TMEM150C: variants seen among roughly 807,000 people sequenced by gnomAD.
TMEM150C encodes the protein tentonin 3.
TMEM150C carries 10 observed loss-of-function variants against 29.9 expected under a neutral mutation model. That is an observed-to-expected ratio of 0.33 (90% CI 0.21 to 0.57). TMEM150C has a LOEUF of 0.57. Among genes scored for constraint, TMEM150C ranks in the 20% least tolerant of loss-of-function variants. TMEM150C has a pLI of 0.88. For missense variants in TMEM150C, 251 were observed against 303.6 expected (o/e 0.83, Z 1.29); for synonymous variants, 101 against 112.5 (o/e 0.90, Z 0.64).
intron 1 of TMEM150C, among the ~76,000 whole-genome samples, chr4:82,517,823 T>C (rs1352244798): frequency 6.6e-6 from 1 of 152,222 alleles, no homozygotes; most frequent in East Asian, 1.9e-4. Flanking sequence ...TCTCCTCTTC[T>C]ATATCTCTAT....
At chr4:82,517,851 T>C (rs183160054) in intron 1 of TMEM150C, among the ~76,000 whole-genome samples, 9 of 152,334 alleles carry the variant, frequency 5.9e-5, no homozygotes, top group Non-Finnish European at 1.2e-4. Context: ...ATTGGTTCTG[T>C]TTCTCTGGAA....
chr4:82,520,708 C>T (rs187312457), intron 1 of TMEM150C, among the ~76,000 whole-genome samples: 1 of 152,212 alleles, frequency 6.6e-6, no homozygotes, highest in African/African-American at 2.4e-5. Flanking sequence ...CATAGCAAGC[C>T]TCCATGTGTA....
intron 1 of TMEM150C, among the ~76,000 whole-genome samples, chr4:82,543,544 A>G (rs990022512): frequency 3.3e-5 from 5 of 152,170 alleles, no homozygotes; most frequent in African/African-American, 1.2e-4. Flanking sequence ...GAAAACAACA[A>G]TATAAAAACC....
intron 1 of TMEM150C, among the ~76,000 whole-genome samples, chr4:82,524,336 G>GA (rs913940464): frequency 4.6e-5 from 7 of 150,940 alleles, no homozygotes; most frequent in East Asian, 1.9e-4. Context: ...TTTTTGTGTT[G>GA]AAAAAAAAAT....
chr4:82,513,319 C>A (rs941137366), intron 1 of TMEM150C, among the ~76,000 whole-genome samples: 1 of 152,128 alleles, frequency 6.6e-6, no homozygotes, highest in African/African-American at 2.4e-5. Context: ...GAACCTCCAG[C>A]AAACTCCAGC....
chr4:82,495,525 C>G (rs1723525640), intron 6 of TMEM150C: 1 of 363,268 alleles, frequency 2.8e-6, no homozygotes, highest in Non-Finnish European at 5.4e-6. Context: ...CAGGTATAGC[C>G]TTCTCTCTTT....
rs1214231259 is a variant in TMEM150C, at chr4:82,485,739, G to A, written c.542-20C>T. The A allele has an allele frequency of 2.5e-6, 4 of 1,584,952 alleles. No homozygotes were observed. Among genetic ancestry groups the A allele is most frequent in the Admixed American group, 1.8e-5 (1 of 56,058 alleles). On this transcript the variant is annotated intron_variant, in intron 7 of 7. Coordinates refer to ENST00000449862, the MANE Select transcript of TMEM150C (RefSeq NM_001080506.3). ...TGAAGTCTGGGGAGAAGCAGTCAAGGAAAATACCCTCATCAGCCACATTAA... is the reference window on the plus strand; with the variant it reads ...TGAAGTCTGGGGAGAAGCAGTCAAGAAAAATACCCTCATCAGCCACATTAA...
intron 1 of TMEM150C, among the ~76,000 whole-genome samples, chr4:82,537,130 A>C (rs998126395): frequency 3.3e-5 from 5 of 151,998 alleles, no homozygotes; most frequent in Non-Finnish European, 5.9e-5. Flanking sequence ...TACAGGCGCC[A>C]GCCACCACAC....
intron 1 of TMEM150C, among the ~76,000 whole-genome samples, chr4:82,515,715 C>G (rs11723534): frequency 0.31 from 46,610 of 149,272 alleles, 7,635 homozygotes; most frequent in Admixed American, 0.44. Flanking sequence ...TCTGCCTGGG[C>G]GACAGAGTGA....
At chr4:82,510,964 G>A (rs1363543071) in intron 1 of TMEM150C, among the ~76,000 whole-genome samples, 4 of 152,154 alleles carry the variant, frequency 2.6e-5, no homozygotes, top group Non-Finnish European at 5.9e-5. Context: ...GTAATGATGA[G>A]GACTGTTTAT....
intron 1 of TMEM150C, among the ~76,000 whole-genome samples, chr4:82,544,535 T>C (rs1311043691): frequency 6.6e-6 from 1 of 152,160 alleles, no homozygotes; most frequent in East Asian, 1.9e-4. Context: ...TCCCAGCACT[T>C]TGGGAGGCCC....
chr4:82,495,350 A>G (rs1723512335), intron 6 of TMEM150C: 1 of 214,346 alleles, frequency 4.7e-6, no homozygotes. Context: ...CTGAGGCGGG[A>G]GAATTACTTG....
At chr4:82,553,791 G>A (rs1286922633) in intron 1 of TMEM150C, among the ~76,000 whole-genome samples, 2 of 152,166 alleles carry the variant, frequency 1.3e-5, no homozygotes, top group South Asian at 2.1e-4. Context: ...AAAAGATCAC[G>A]ATATGCCACT....
chr4:82,503,899 T>A (rs1274358463), intron 2 of TMEM150C, among the ~76,000 whole-genome samples: 2 of 151,748 alleles, frequency 1.3e-5, no homozygotes, highest in Non-Finnish European at 2.9e-5. Flanking sequence ...TCAGACCCAA[T>A]CATGAATAAC....
chr4:82,530,846 A>G (rs1277862688), intron 1 of TMEM150C, among the ~76,000 whole-genome samples: 1 of 152,166 alleles, frequency 6.6e-6, no homozygotes, highest in African/African-American at 2.4e-5. Flanking sequence ...GTGGAAGGCG[A>G]AGGGGAAGCA....
At chr4:82,561,505 A>T (rs1164673563) in intron 1 of TMEM150C, among the ~76,000 whole-genome samples, 2 of 151,948 alleles carry the variant, frequency 1.3e-5, no homozygotes, top group East Asian at 3.9e-4. Context: ...TCCACCCGAT[A>T]ACGAGATGAT....
chr4:82,508,596 G>T (rs940671572), intron 1 of TMEM150C, among the ~76,000 whole-genome samples: 5 of 152,098 alleles, frequency 3.3e-5, no homozygotes, highest in Non-Finnish European at 7.4e-5. Context: ...CTCCTGAGTA[G>T]CTGGGATTAC....
At chr4:82,545,864 G>A (rs973249955) in intron 1 of TMEM150C, among the ~76,000 whole-genome samples, 4 of 152,098 alleles carry the variant, frequency 2.6e-5, no homozygotes, top group African/African-American at 9.7e-5. Context: ...GGCGGAGGTT[G>A]CAGTGAGCTG....
At chr4:82,535,390 G>T (rs1379382503) in intron 1 of TMEM150C, among the ~76,000 whole-genome samples, 1 of 152,190 alleles carries the variant, frequency 6.6e-6, no homozygotes, top group East Asian at 1.9e-4. Context: ...TTAGGGTGAA[G>T]CTGTCAAGAC....
Sources: gnomAD v4.1 joint callset for allele counts (sites outside exome capture counted in the v4.1 genomes callset) on GRCh38, gnomAD v4.1.1 for gene constraint, MANE v1.5 for transcripts, NCBI Gene and HGNC (gene_info 2026-07-23, HGNC 2026-07-21) for gene names.